MCHR2: variants seen among roughly 807,000 people sequenced by gnomAD.
MCHR2 encodes the protein melanin-concentrating hormone receptor 2.
MCHR2 carries 15 observed loss-of-function variants against 24.8 expected under a neutral mutation model. That is an observed-to-expected ratio of 0.60 (90% CI 0.40 to 0.93). The LOEUF is 0.93. Ranked by LOEUF, MCHR2 falls within the 40% of genes least tolerant of loss-of-function variation. The pLI is 0.00. For missense variants in MCHR2, 386 were observed against 408.7 expected, an observed-to-expected ratio of 0.94 and a Z score of 0.48; for synonymous variants, 151 against 147.6, an observed-to-expected ratio of 1.02 and a Z score of -0.17.
At chr6:99,935,270 G>A (rs1482906682) in intron 4 of MCHR2, among the ~76,000 whole-genome samples, 1 of 151,990 alleles carries the variant, frequency 6.6e-6, no homozygotes, top group Non-Finnish European at 1.5e-5. Context: ...ATATTTTAAA[G>A]TATAGTCATC....
At chr6:99,928,697 T>C (rs1236615900) in intron 5 of MCHR2, among the ~76,000 whole-genome samples, 1 of 152,234 alleles carries the variant, frequency 6.6e-6, no homozygotes, top group Non-Finnish European at 1.5e-5. Context: ...CCTTTATCAC[T>C]TTTTATTGCC....
intron 2 of MCHR2, among the ~76,000 whole-genome samples, chr6:99,953,238 C>T (rs751722685): frequency 9.2e-5 from 14 of 152,166 alleles, no homozygotes; most frequent in Non-Finnish European, 1.3e-4. Flanking sequence ...GAATCCCACA[C>T]TGAAGAGGTT....
At chr6:99,968,440 G>A (rs1239246448) in intron 1 of MCHR2, among the ~76,000 whole-genome samples, 2 of 152,178 alleles carry the variant, frequency 1.3e-5, no homozygotes, top group Non-Finnish European at 2.9e-5. Flanking sequence ...TCCTCTCATA[G>A]CTACACAGCA....
intron 1 of MCHR2, among the ~76,000 whole-genome samples, chr6:99,990,715 T>C (rs1354295269): frequency 6.6e-6 from 1 of 152,024 alleles, no homozygotes; most frequent in African/African-American, 2.4e-5. Flanking sequence ...TCATAAACTT[T>C]TCCCTGGATA....
intron 1 of MCHR2, among the ~76,000 whole-genome samples, chr6:99,957,510 A>T (rs1582392328): frequency 1.3e-5 from 2 of 152,230 alleles, no homozygotes; most frequent in Non-Finnish European, 2.9e-5. Flanking sequence ...TTTCCCTTTC[A>T]AAACATGAAA....
chr6:99,930,911 G>A (rs199880648), intron 5 of MCHR2, among the ~76,000 whole-genome samples: 30 of 149,876 alleles, frequency 2.0e-4, no homozygotes, highest in South Asian at 6.3e-4. Context: ...TGGAGGAGAG[G>A]CGCTCTGCTT....
chr6:99,938,451 C>T (rs1272102921), intron 4 of MCHR2, among the ~76,000 whole-genome samples: 1 of 151,972 alleles, frequency 6.6e-6, no homozygotes, highest in Non-Finnish European at 1.5e-5. Context: ...TATTCATTGA[C>T]CCACTAATCA....
intron 1 of MCHR2, among the ~76,000 whole-genome samples, chr6:99,974,901 C>A (rs1026407272): frequency 2.0e-5 from 3 of 152,134 alleles, no homozygotes; most frequent in African/African-American, 7.2e-5. Context: ...CTTGGTGAAC[C>A]GCAAATGCTG....
rs80279880 is a variant in MCHR2, at chr6:99,919,724, T to G, written c.*1216A>C. On this transcript the variant is annotated 3_prime_UTR_variant, in exon 6 of 6. Coordinates refer to ENST00000281806, the MANE Select transcript of MCHR2 (RefSeq NM_001040179.2). ...AGGGAATGTTTCTTGTTTTTTTTTT[T>G]GTTTGTTTTGTTTTTTTTTTTGAGA... Among the ~76,000 whole-genome samples the G allele has an allele frequency of 3.5e-5, 5 of 143,444 alleles. No homozygotes were observed. The highest frequency in any genetic ancestry group is 2.0e-4 in the East Asian group (1 of 5,092). The allele number at this position is 143,444 out of a possible 152,430, so 94.1% of individuals were successfully genotyped here.
At chr6:99,984,338 C>G (rs1044742418) in intron 1 of MCHR2, among the ~76,000 whole-genome samples, 2 of 151,492 alleles carry the variant, frequency 1.3e-5, no homozygotes, top group African/African-American at 4.8e-5. Context: ...TATACATGTG[C>G]CATGCTGGTG....
At chr6:99,937,550 TGAG>T (rs1180893028) in intron 4 of MCHR2, among the ~76,000 whole-genome samples, 1 of 152,030 alleles carries the variant, frequency 6.6e-6, no homozygotes, top group Non-Finnish European at 1.5e-5. Flanking sequence ...ATTCCTTGGA[TGAG>T]TTCTACTTGC....
At chr6:99,964,620 A>G (rs569237878) in intron 1 of MCHR2, among the ~76,000 whole-genome samples, 79 of 152,196 alleles carry the variant, frequency 5.2e-4, no homozygotes, top group Admixed American at 4.1e-3. Context: ...GCATGGGGGA[A>G]ACTGCCCCCA....
intron 1 of MCHR2, among the ~76,000 whole-genome samples, chr6:99,988,415 G>T (rs955913227): frequency 6.6e-6 from 1 of 152,182 alleles, no homozygotes. Flanking sequence ...TCCCTTCTTT[G>T]TGGACATTTT....
chr6:99,973,382 CA>C (rs1775475491), intron 1 of MCHR2, among the ~76,000 whole-genome samples: 2 of 151,978 alleles, frequency 1.3e-5, no homozygotes, highest in Non-Finnish European at 2.9e-5. Context: ...ACTAGGATTG[CA>C]ACCTCTGCCT....
chr6:99,951,064 C>T (rs551433226), intron 2 of MCHR2, among the ~76,000 whole-genome samples: 3 of 152,086 alleles, frequency 2.0e-5, no homozygotes, highest in Non-Finnish European at 4.4e-5. Flanking sequence ...CAGCTCCCAC[C>T]AGGCAGCCCA....
intron 1 of MCHR2, among the ~76,000 whole-genome samples, chr6:99,976,969 G>A (rs1352566662): frequency 2.6e-5 from 4 of 152,172 alleles, no homozygotes; most frequent in East Asian, 3.9e-4. Flanking sequence ...TTAGGCGAAC[G>A]GAGGCCAGAA....
intron 1 of MCHR2, among the ~76,000 whole-genome samples, chr6:99,976,524 T>G (rs1775554990): frequency 6.6e-6 from 1 of 152,214 alleles, no homozygotes; most frequent in African/African-American, 2.4e-5. Flanking sequence ...GCCATAGTTG[T>G]GCCACAGCTC....
At chr6:99,931,473 G>A (rs1170330799) in intron 5 of MCHR2, among the ~76,000 whole-genome samples, 2 of 152,334 alleles carry the variant, frequency 1.3e-5, no homozygotes, top group East Asian at 3.9e-4. Flanking sequence ...AGGCCTCCTT[G>A]AGCTGTGGTG....
At chr6:99,961,262 G>T (rs1424501653) in intron 1 of MCHR2, among the ~76,000 whole-genome samples, 1 of 152,084 alleles carries the variant, frequency 6.6e-6, no homozygotes, top group African/African-American at 2.4e-5. Flanking sequence ...GTTGGTGGGA[G>T]TGTAAATTGG....
Sources: allele counts gnomAD v4.1 joint callset (sites outside exome capture counted in the v4.1 genomes callset), GRCh38; gene constraint gnomAD v4.1.1; transcripts MANE v1.5; gene names NCBI Gene and HGNC (gene_info 2026-07-23, HGNC 2026-07-21).